The following SLC16A3 variants were observed in gnomAD, a reference collection of about 807,000 sequenced individuals.
The protein encoded by SLC16A3 is monocarboxylate transporter 4.
Under a neutral mutation model 25.0 loss-of-function variants are expected in SLC16A3, and 22 were observed. The ratio of observed to expected loss-of-function variants is 0.88; its 90% confidence interval spans 0.63 to 1.26. The LOEUF (loss-of-function observed/expected upper bound fraction) is 1.26. SLC16A3 is among the 50% of genes most tolerant of loss of function. SLC16A3 has a pLI of 0.00. For missense variants in SLC16A3, 731 were observed against 666.6 expected (o/e 1.10, Z -1.06); for synonymous variants, 390 against 309.2 (o/e 1.26, Z -2.74).
upstream of SLC16A3, among the ~76,000 whole-genome samples, chr17:82,226,572 C>A (rs530220122): frequency 4.6e-5 from 7 of 152,274 alleles, no homozygotes; most frequent in African/African-American, 1.7e-4. Flanking sequence ...GGGGCATGAC[C>A]CCCAGAAGGC....
At chr17:82,237,008 T>A in intron 3 of SLC16A3, 130 bp from the exon 4 acceptor site, 1 of 1,458,096 alleles carries the variant, frequency 6.9e-7, no homozygotes, top group Non-Finnish European at 9.2e-7. Flanking sequence ...GTTGTCCCCC[T>A]CTCGAGTGGG....
chr17:82,237,648 ACTCCGTCTAC>A lies in SLC16A3; in HGVS notation c.882_891del (p.Val295SerfsTer64). The A allele has an allele frequency of 6.2e-7, 1 of 1,612,400 alleles. No individual in the cohort carries two copies. The highest frequency in any genetic ancestry group is 1.1e-5 in the South Asian group (1 of 91,062). ...GCGGGGCTTGGGAAGGTGCGGCCCT[ACTCCGTCTAC>A]CTCTTCAGCTTCTCCATGTTCTTCA... On this transcript the variant is annotated frameshift_variant, in exon 4 of 5. Coordinates refer to ENST00000582743, the MANE Select transcript of SLC16A3 (RefSeq NM_004207.4). LOFTEE classifies it high-confidence loss of function.
rs1328272293 is a variant in SLC16A3 at position 82,238,764 on chromosome 17, C to T, written c.1186C>T (p.Leu396Phe). The change falls in exon 5 of 5, where the codon CTC (leucine) becomes TTC (phenylalanine). Residue 396 changes from leucine to phenylalanine, a missense_variant. Physicochemically the swap from Leu to Phe is conservative, Grantham distance 22. Transcript: ENST00000582743. ...YVFILAGAEVLTSSLILLLGN... is the reference protein window; with the variant it reads ...YVFILAGAEVFTSSLILLLGN... ...GTTCATCCTGGCGGGGGCCGAGGTG[C>T]TCACCTCCTCCCTGATTTTGCTGCT... 1 of 1,612,574 alleles carries T rather than the reference C, an allele frequency of 6.2e-7. No homozygotes were observed. Among genetic ancestry groups the T allele is most frequent in the African/African-American group, 1.3e-5 (1 of 74,924 alleles).
chr17:82,236,562 T>C (rs975306057), intron 2 of SLC16A3, 167 bp from the exon 3 acceptor site: 2 of 959,352 alleles, frequency 2.1e-6, no homozygotes, highest in African/African-American at 3.3e-5. Flanking sequence ...CGCTCACGTG[T>C]CATCATGGCC....
intron 1 of SLC16A3, among the ~76,000 whole-genome samples, chr17:82,218,213 C>CTCTG (rs879302600): frequency 6.2e-5 from 9 of 144,312 alleles, no homozygotes; most frequent in African/African-American, 1.3e-4. Context: ...CGAGCCCAGC[C>CTCTG]TCAGTCACTG....
upstream of SLC16A3, among the ~76,000 whole-genome samples, chr17:82,224,011 C>A (rs887162232): frequency 6.7e-6 from 1 of 149,340 alleles, no homozygotes; most frequent in Non-Finnish European, 1.5e-5. Context: ...CCCCTACACC[C>A]GTGCACAGAG....
In SLC16A3 at chr17:82,239,985, G is replaced by GC; in HGVS notation, c.*1010dup. On this transcript the variant is annotated 3_prime_UTR_variant, in exon 5 of 5. Coordinates refer to ENST00000582743, the MANE Select transcript of SLC16A3 (RefSeq NM_004207.4). ...GAGGCCGCCGGGGCCCTCAGTAGGT[G>GC]CGTCGTGGGCGCTGGGGACGGCAGC... 4 of 1,233,584 alleles carry GC rather than the reference G, an allele frequency of 3.2e-6. No individual in the cohort carries two copies. Among genetic ancestry groups the GC allele is most frequent in the Non-Finnish European group, 4.0e-6 (4 of 987,724 alleles). The allele number at this position is 1,233,584 out of a possible 1,614,324, so 76.4% of individuals were successfully genotyped here.
At chr17:82,236,573 T>G in intron 2 of SLC16A3, 156 bp from the exon 3 acceptor site, 1 of 1,089,156 alleles carries the variant, frequency 9.2e-7, no homozygotes, top group Non-Finnish European at 1.3e-6. Flanking sequence ...CATCATGGCC[T>G]GCGCTCGGGG....
intron 1 of SLC16A3, among the ~76,000 whole-genome samples, chr17:82,232,525 A>G (rs1303103443): frequency 6.6e-6 from 1 of 152,170 alleles, no homozygotes; most frequent in Non-Finnish European, 1.5e-5. Flanking sequence ...ACTCTGCAGG[A>G]CGGCATTTCG....
chr17:82,237,000 T>C, intron 3 of SLC16A3, 128 bp downstream of exon 3: 1 of 1,466,458 alleles, frequency 6.8e-7, no homozygotes, highest in Non-Finnish European at 9.1e-7. Context: ...CCCACCTCGT[T>C]GTCCCCCTCT....
At chr17:82,227,617 AGCACCACCTGCCCTGGGCG>A, upstream of SLC16A3, among the ~76,000 whole-genome samples, 1 of 26,010 alleles carries the variant, frequency 3.8e-5, no homozygotes, top group Non-Finnish European at 9.8e-5. Context: ...CCTGGGCGGG[AGCACCACCTGCCCTGGGCG>A]GGAGCACCAC....
upstream of SLC16A3, among the ~76,000 whole-genome samples, chr17:82,225,853 G>A (rs965069421): frequency 1.3e-5 from 2 of 152,128 alleles, no homozygotes; most frequent in African/African-American, 4.8e-5. Flanking sequence ...ATAGGTCCGG[G>A]GGCCTGTTCT....
chr17:82,230,694 C>G (rs2050479532), intron 1 of SLC16A3: 1 of 152,456 alleles, frequency 6.6e-6, no homozygotes, highest in African/African-American at 2.4e-5. Flanking sequence ...AAATGTGGGC[C>G]ACACTCTGGG....
At chr17:82,232,244 A>AACAGGCC (rs2050509088) in intron 1 of SLC16A3, 1 of 152,296 alleles carries the variant, frequency 6.6e-6, no homozygotes, top group Non-Finnish European at 1.5e-5. Context: ...TCAGTTAGGT[A>AACAGGCC]ACAGGCCACG....
At chr17:82,227,678 GCGGGAGC>G (rs1334864806), upstream of SLC16A3, among the ~76,000 whole-genome samples, 6 of 19,138 alleles carry the variant, frequency 3.1e-4, no homozygotes, top group African/African-American at 9.0e-4. Context: ...CCTGCCCTGG[GCGGGAGC>G]AGCACGGGCC....
In SLC16A3 at chr17:82,237,881, C is replaced by A. The variant is rs748062822; in HGVS notation, c.1111C>A (p.Pro371Thr). 2 of 1,599,204 alleles carry A rather than the reference C, an allele frequency of 1.3e-6. No homozygotes were observed. Among genetic ancestry groups the A allele is most frequent in the Admixed American group, 3.3e-5 (2 of 59,994 alleles). ...GGAGGCGGTGGCCGTGCTCGTCGGG[C>A]CCCCTTCGGGAGGTGAGCGCTGCGC... ...LMEAVAVLVG[P>T]PSGGKLLDAT... is the part of the protein sequence containing the mutation. Residue 371 changes from proline (P) to threonine (T), a missense_variant, in exon 4 of 5, where the codon CCC becomes ACC. Coordinates refer to ENST00000582743, the MANE Select transcript of SLC16A3 (RefSeq NM_004207.4).
At chr17:82,233,924 T>G (rs1232680461) in intron 1 of SLC16A3, 1 of 152,216 alleles carries the variant, frequency 6.6e-6, no homozygotes, top group Non-Finnish European at 1.5e-5. Flanking sequence ...CACTGCAAGC[T>G]CTGCCTCCTG....
At chr17:82,236,677 G>A (rs772018061) in intron 2 of SLC16A3, 52 bp from the exon 3 acceptor site, 18 of 1,577,778 alleles carry the variant, frequency 1.1e-5, no homozygotes, top group South Asian at 7.8e-5. Context: ...GTCGGCTGGC[G>A]GGGGTAGAGC....
chr17:82,234,847 G>A (rs1001849204), intron 1 of SLC16A3: 2 of 152,330 alleles, frequency 1.3e-5, no homozygotes, highest in African/African-American at 2.4e-5. Flanking sequence ...GGGGGTGGGG[G>A]TGGAGCCCCA....
Sources: allele counts gnomAD v4.1 joint callset (sites outside exome capture counted in the v4.1 genomes callset), GRCh38; gene constraint gnomAD v4.1.1; transcripts MANE v1.5; gene names NCBI Gene and HGNC (gene_info 2026-07-23, HGNC 2026-07-21).